NUP188: variants seen among roughly 807,000 people sequenced by gnomAD.
The protein encoded by NUP188 is nucleoporin 188, also known as nucleoporin NUP188.
In NUP188, 97 loss-of-function variants were observed where a neutral mutation model predicts 223.0. The ratio of observed to expected loss-of-function variants is 0.43; its 90% CI spans 0.37 to 0.51. NUP188 has a LOEUF of 0.51. Ranked by LOEUF, NUP188 falls within the 20% of genes least tolerant of loss-of-function variation. The probability of loss-of-function intolerance (pLI) is 0.00; values close to 1 mark genes in which losing one functional copy is unlikely to be tolerated. For synonymous variants in NUP188, 869 were observed against 828.0 expected, an observed-to-expected ratio of 1.05 and a Z score of -0.85; for missense variants, 1,947 against 2,175.6, an observed-to-expected ratio of 0.89 and a Z score of 2.09.
At chr9:128,990,257 TTA>T (rs1588285655) in intron 25 of NUP188, 31 bp downstream of exon 25, 1 of 1,531,668 alleles carries the variant, frequency 6.5e-7, no homozygotes, top group East Asian at 2.3e-5. Context: ...CACACACTGT[TTA>T]TATGAGGGTG....
rs1375294444 is a variant in NUP188, at chr9:128,970,618, G to T, written c.913-140G>T. 21 of 676,010 alleles carry T rather than the reference G, an allele frequency of 3.1e-5. No homozygotes were observed. The East Asian group carries it at 5.4e-4, about 17-fold the overall frequency. 41.9% of individuals were successfully genotyped at this position (676,010 alleles called of 1,614,324 possible). A position where few individuals can be genotyped will look rare whatever the true frequency, so the allele number is the denominator to read the frequency against. The stretch of plus-strand genomic sequence containing the variant: ...GGGGTTTATTAGTGAGGTGACTGGG[G>T]GTTTGAGAAGAGTGAAATATCAGAA... On this transcript the variant is annotated intron_variant, in intron 10 of 43. Transcript: ENST00000372577.
At position 128,988,197 on chromosome 9, in the gene NUP188, C is replaced by T; in HGVS notation, c.2533+11C>T. The T allele has an allele frequency of 6.2e-7, 1 of 1,613,736 alleles. No individual in the cohort carries two copies. The highest frequency in any genetic ancestry group is 8.5e-7 in the Non-Finnish European group (1 of 1,179,790). On this transcript the variant is annotated intron_variant, in intron 24 of 43. Transcript: ENST00000372577. ...CTCTCTCACAACATGGTATGTATTT[C>T]TCTTCCAGTCACAACATGGTATGTA...
Position 128,986,861 on chromosome 9 carries a change from A to C in NUP188, c.2250A>C (p.Thr750=), listed in dbSNP as rs760905100. 6.2e-7 allele frequency: 1 copy of C among 1,614,078 alleles called. No individual in the cohort carries two copies. The highest frequency in any genetic ancestry group is 2.2e-5 in the East Asian group (1 of 44,878). ...IHAILNLCHE[T]DLHSSHTPSL... is the part of the protein sequence containing the mutation. ...CGATACTGAACCTGTGCCACGAGAC[A>C]GACCTGCACAGCAGGTAATGAAGGG... The change falls in exon 22 of 44, where the codon ACA becomes ACC. Residue 750 remains threonine, a synonymous_variant. Coordinates refer to ENST00000372577, the MANE Select transcript of NUP188 (RefSeq NM_015354.3).
At chr9:128,981,852 C>A (rs564567642) in intron 15 of NUP188, among the ~76,000 whole-genome samples, 62 of 152,024 alleles carry the variant, frequency 4.1e-4, no homozygotes, top group Admixed American at 1.4e-3. Context: ...CCAAGGTGGG[C>A]GGATCACGTG....
At chr9:128,956,539 T>A in intron 4 of NUP188, 105 bp downstream of exon 4, 1 of 610,950 alleles carries the variant, frequency 1.6e-6, no homozygotes, top group South Asian at 2.6e-5. Flanking sequence ...TTTTGGGGAT[T>A]AAATTGTTTT....
intron 6 of NUP188, among the ~76,000 whole-genome samples, 195 bp downstream of exon 6, chr9:128,958,249 A>ATTC (rs1292889744): frequency 6.6e-6 from 1 of 152,212 alleles, no homozygotes; most frequent in African/African-American, 2.4e-5. Flanking sequence ...TCCCAAGGAG[A>ATTC]TTCTTCAGCT....
At chr9:128,977,763 C>CGTAA (rs1056992838) in intron 12 of NUP188, among the ~76,000 whole-genome samples, 2 of 151,992 alleles carry the variant, frequency 1.3e-5, no homozygotes, top group African/African-American at 4.8e-5. Flanking sequence ...TGTGCTATTA[C>CGTAA]ACTCCAGTCT....
intron 38 of NUP188, 118 bp from the exon 39 acceptor site, chr9:129,005,029 A>G: frequency 1.4e-6 from 1 of 719,216 alleles, no homozygotes; most frequent in South Asian, 1.6e-5. Flanking sequence ...GGAGGGAGAG[A>G]AGAGCAGCAG....
intron 11 of NUP188, 120 bp downstream of exon 11, chr9:128,971,078 C>T: frequency 2.7e-6 from 2 of 747,480 alleles, no homozygotes; most frequent in Non-Finnish European, 4.8e-6. Context: ...CTTTTGAGAG[C>T]ATTTAGACAT....
chr9:129,002,667 C>T (rs1456111328), intron 36 of NUP188, 150 bp from the exon 37 acceptor site: 2 of 758,056 alleles, frequency 2.6e-6, no homozygotes, highest in Non-Finnish European at 2.1e-6. Context: ...TGGTGTTGGC[C>T]CCTTTCTGGC....
intron 23 of NUP188, 55 bp downstream of exon 23, chr9:128,987,772 C>G: frequency 6.3e-7 from 1 of 1,584,416 alleles, no homozygotes; most frequent in Non-Finnish European, 8.6e-7. Context: ...CTGCATGTTA[C>G]TAATAACTCC....
At chr9:128,953,901 C>G (rs1453316851) in intron 3 of NUP188, among the ~76,000 whole-genome samples, 1 of 151,748 alleles carries the variant, frequency 6.6e-6, no homozygotes, top group Non-Finnish European at 1.5e-5. Flanking sequence ...CACATCTCAG[C>G]TTACTGCAAC....
At chr9:129,005,572 T>G in intron 40 of NUP188, 42 bp downstream of exon 40, 1 of 1,611,352 alleles carries the variant, frequency 6.2e-7, no homozygotes, top group Non-Finnish European at 8.5e-7. Flanking sequence ...CCCTAAAGGC[T>G]CTGCTCTGCT....
intron 25 of NUP188, 110 bp downstream of exon 25, chr9:128,990,336 T>G: frequency 2.3e-6 from 2 of 872,616 alleles, no homozygotes; most frequent in South Asian, 2.8e-5. Flanking sequence ...CTGTATATAA[T>G]TCCAGCACTT....
At chr9:128,973,039 T>C (rs984727463) in intron 11 of NUP188, 121 bp from the exon 12 acceptor site, 11 of 453,486 alleles carry the variant, frequency 2.4e-5, no homozygotes, top group Non-Finnish European at 3.7e-5. Flanking sequence ...AGGAAAATTA[T>C]GAAGCTTCAG....
intron 20 of NUP188, 135 bp from the exon 21 acceptor site, chr9:128,986,423 T>A (rs1250529023): frequency 2.2e-6 from 2 of 914,980 alleles, no homozygotes; most frequent in Non-Finnish European, 3.3e-6. Flanking sequence ...TTTTGATGTT[T>A]CTTTTTTTTC....
chr9:129,003,060 C>T (rs1842702631), intron 37 of NUP188, 85 bp downstream of exon 37: 1 of 1,475,786 alleles, frequency 6.8e-7, no homozygotes, highest in Non-Finnish European at 9.2e-7. Context: ...GGTGTGGAGC[C>T]TGGGCCTCAG....
rs17452372 is a variant in NUP188, at chr9:128,955,614, G to A, written c.162-736G>A. ...TTAGGTTGGCCTCTGTCCTTTGGGC[G>A]TGTCCTTCCTTTTTTCTTTTTTTCT... On this transcript the variant is annotated intron_variant, in intron 3 of 43. Coordinates refer to ENST00000372577, the MANE Select transcript of NUP188 (RefSeq NM_015354.3). Among the ~76,000 whole-genome samples, 371 of 152,158 alleles carry A rather than the reference G, an allele frequency of 2.4e-3. 7 individuals are homozygous for A. The East Asian group carries it at 0.043, about 17-fold the overall frequency.
At chr9:128,987,082 AGAGAGAGTGT>A (rs1842344348) in intron 22 of NUP188, among the ~76,000 whole-genome samples, 2 of 131,766 alleles carry the variant, frequency 1.5e-5, no homozygotes, top group Non-Finnish European at 3.3e-5. Context: ...AGAGAGAGAG[AGAGAGAGTGT>A]GTGTGTGTGT....
Sources: gnomAD v4.1 joint callset for allele counts (sites outside exome capture counted in the v4.1 genomes callset) on GRCh38, gnomAD v4.1.1 for gene constraint, MANE v1.5 for transcripts, NCBI Gene and HGNC (gene_info 2026-07-23, HGNC 2026-07-21) for gene names.